DYSF: variants seen among roughly 807,000 people sequenced by gnomAD.
DYSF encodes dystrophy-associated fer-1-like 1.
In DYSF, 212 loss-of-function variants were observed where a neutral mutation model predicts 274.9. The ratio of observed to expected loss-of-function variants is 0.77; its 90% CI spans 0.69 to 0.86. The LOEUF (loss-of-function observed/expected upper bound fraction) is 0.86, where lower values mean the gene tolerates loss of function less well. DYSF is among the 40% of genes least tolerant of loss of function. The pLI, the probability that DYSF is intolerant of heterozygous loss-of-function variation, is 0.00. For missense variants in DYSF, 2,666 were observed against 2,783.2 expected (o/e 0.96, Z 0.95); for synonymous variants, 1,091 against 1,078.7 (o/e 1.01, Z -0.22).
intron 24 of DYSF, 108 bp downstream of exon 24, chr2:71,564,321 C>A: frequency 6.7e-7 from 1 of 1,496,478 alleles, no homozygotes; most frequent in Non-Finnish European, 9.3e-7. Flanking sequence ...AGTTCTTAGG[C>A]TGTGGTCTTG....
chr2:71,575,270 G>T (rs1484792705), intron 30 of DYSF, among the ~76,000 whole-genome samples: 1 of 152,142 alleles, frequency 6.6e-6, no homozygotes, highest in Admixed American at 6.5e-5. Context: ...GAGGGAGTGG[G>T]TGGGCTGGGG....
At chr2:71,493,870 A>AAAAAAAAG (rs2084118269) in intron 3 of DYSF, among the ~76,000 whole-genome samples, 1 of 144,068 alleles carries the variant, frequency 6.9e-6, no homozygotes, top group Non-Finnish European at 1.5e-5. Flanking sequence ...AAAAAAAAAA[A>AAAAAAAAG]AAAAGAAAGA....
rs1480764525 is a variant in DYSF, at chr2:71,615,557, T to A, written c.4464+2147T>A. Among the ~76,000 whole-genome samples, 1 of 152,180 alleles carries A rather than the reference T, an allele frequency of 6.6e-6. No individual in the cohort carries two copies. Among genetic ancestry groups the A allele is most frequent in the East Asian group, 1.9e-4 (1 of 5,188 alleles). ...GGAAGCCCCTTTTCTGGTATCTGAC[T>A]TTGTTCCATGTTTTTCTCTGAGATC... On this transcript the variant is annotated intron_variant, in intron 40 of 55. Transcript: ENST00000410020. The surrounding 1 kb of genome is among the most constrained non-coding windows in gnomAD (Gnocchi z 4.9).
At chr2:71,606,182 C>T (rs147956559) in intron 36 of DYSF, among the ~76,000 whole-genome samples, 1 of 152,246 alleles carries the variant, frequency 6.6e-6, no homozygotes, top group East Asian at 1.9e-4. Context: ...GCCAGCGGGA[C>T]TGATAGACTG....
intron 36 of DYSF, among the ~76,000 whole-genome samples, chr2:71,607,943 A>G (rs1173157880): frequency 6.6e-6 from 1 of 152,172 alleles, no homozygotes; most frequent in Non-Finnish European, 1.5e-5. Flanking sequence ...GCTAAGGAGC[A>G]GATCAGGGCT....
chr2:71,572,028 A>G (rs1216414550), intron 29 of DYSF, among the ~76,000 whole-genome samples: 6 of 129,636 alleles, frequency 4.6e-5, no homozygotes, highest in Non-Finnish European at 8.0e-5. Flanking sequence ...CACACACATT[A>G]CACCTAGCAC....
chr2:71,564,243 C>G (rs372382103), intron 24 of DYSF, 30 bp downstream of exon 24: 8 of 1,613,816 alleles, frequency 5.0e-6, no homozygotes, highest in African/African-American at 2.7e-5. Flanking sequence ...AAGTCATGAT[C>G]GTATTTTTCC....
At chr2:71,665,689 A>G (rs974865845) in intron 47 of DYSF, among the ~76,000 whole-genome samples, 5 of 152,254 alleles carry the variant, frequency 3.3e-5, no homozygotes, top group African/African-American at 1.2e-4. Flanking sequence ...TCTCAGAAAC[A>G]GTTTTCTACT....
At chr2:71,591,335 C>T (rs1245014941) in intron 32 of DYSF, among the ~76,000 whole-genome samples, 4 of 152,248 alleles carry the variant, frequency 2.6e-5, no homozygotes, top group Non-Finnish European at 5.9e-5. Context: ...CCTCAGAGGC[C>T]TTCCCCTCTG....
chr2:71,517,348 C>T (rs946372125), intron 10 of DYSF, among the ~76,000 whole-genome samples: 1 of 152,180 alleles, frequency 6.6e-6, no homozygotes, highest in African/African-American at 2.4e-5. Flanking sequence ...GCTAATTTAG[C>T]CAGCGGGTCC....
At chr2:71,604,278 A>T (rs1293874140) in intron 36 of DYSF, among the ~76,000 whole-genome samples, 1 of 152,250 alleles carries the variant, frequency 6.6e-6, no homozygotes, top group East Asian at 1.9e-4. Context: ...TGATGCCAAG[A>T]TGCTGAGTCC....
At chr2:71,585,570 A>G (rs2093038192) in intron 30 of DYSF, among the ~76,000 whole-genome samples, 1 of 152,122 alleles carries the variant, frequency 6.6e-6, no homozygotes, top group Middle Eastern at 3.2e-3. Flanking sequence ...ACACCTGAAA[A>G]CCAGAATGTA....
At chr2:71,510,908 T>A (rs143988723) in intron 4 of DYSF, among the ~76,000 whole-genome samples, 1 of 152,268 alleles carries the variant, frequency 6.6e-6, no homozygotes, top group East Asian at 1.9e-4. Flanking sequence ...CACGGAATTA[T>A]GGACAATTGG....
chr2:71,601,594 C>T (rs2093552283), intron 35 of DYSF, 66 bp downstream of exon 35: 2 of 1,606,600 alleles, frequency 1.2e-6, no homozygotes, highest in Non-Finnish European at 1.7e-6. Flanking sequence ...TGGCATCTCT[C>T]TGGGTTAGGA....
chr2:71,557,370 A>C (rs1158756950), intron 22 of DYSF, among the ~76,000 whole-genome samples: 1 of 152,238 alleles, frequency 6.6e-6, no homozygotes, highest in African/African-American at 2.4e-5. Flanking sequence ...AAGGCACAGA[A>C]GCCTGAAATG....
chr2:71,467,092 G>C (rs973032956), intron 1 of DYSF, among the ~76,000 whole-genome samples, 159 bp downstream of exon 1: 9 of 152,200 alleles, frequency 5.9e-5, no homozygotes, highest in African/African-American at 2.2e-4. Context: ...ACTTCTGCAG[G>C]GGGGCGATGA....
At chr2:71,533,507 C>A (rs1165186650) in intron 14 of DYSF, among the ~76,000 whole-genome samples, 1 of 152,248 alleles carries the variant, frequency 6.6e-6, no homozygotes, top group Non-Finnish European at 1.5e-5. Context: ...ATTTAACCTG[C>A]TTTCCATTGG....
At chr2:71,659,162 T>C (rs2152941337) in intron 44 of DYSF, 129 bp downstream of exon 44, 5 of 1,282,126 alleles carry the variant, frequency 3.9e-6, no homozygotes, top group Non-Finnish European at 5.6e-6. Context: ...CACACAAAAC[T>C]GAGAGGTGCC....
At chr2:71,661,934 GT>G (rs1424959427) in intron 45 of DYSF, among the ~76,000 whole-genome samples, 1 of 152,184 alleles carries the variant, frequency 6.6e-6, no homozygotes, top group Non-Finnish European at 1.5e-5. Flanking sequence ...CTCTGTATGA[GT>G]TCCAGGGGCT....
Sources: gnomAD v4.1 joint callset for allele counts (sites outside exome capture counted in the v4.1 genomes callset) on GRCh38, gnomAD v4.1.1 for gene constraint, Gnocchi (gnomAD v3.1) non-coding constraint, MANE v1.5 for transcripts, NCBI Gene and HGNC (gene_info 2026-07-23, HGNC 2026-07-21) for gene names.